Variants in SRGAP2 observed in about 807,000 individuals in gnomAD.
SRGAP2 encodes SLIT-ROBO Rho GTPase-activating protein 2.
In SRGAP2, 15 loss-of-function variants were observed where a neutral mutation model predicts 57.2. The observed-to-expected ratio is 0.26, with a 90% CI of 0.18 to 0.40. SRGAP2 has a LOEUF of 0.40. SRGAP2 is among the 10% of genes least tolerant of loss of function. SRGAP2 has a pLI of 1.00. For missense variants in SRGAP2, 520 were observed against 669.6 expected (o/e 0.78, Z 2.47); for synonymous variants, 249 against 248.0 (o/e 1.00, Z -0.04).
rs782082068 is a variant in SRGAP2, at chr1:206,454,842, TCCCTCCTCCCTGCCTGCCTGC to T, written c.2361-31_2361-11del. ...GCTGCTTTTTGTGTTGTTGTTGTTT[TCCCTCCTCCCTGCCTGCCTGC>T]CCCTTCTCCCCCAGCGAGGACGGTG... is the stretch of plus-strand genomic sequence containing the variant. On this transcript the variant is annotated splice_polypyrimidine_tract_variant and intron_variant, in intron 20 of 22. Transcript: ENST00000573034. This position sits in a 1 kb window ranked among gnomAD's most constrained non-coding sequence, Gnocchi z 4.3. 2.1e-5 allele frequency: 15 copies of T among 721,616 alleles called. No individual in the cohort carries two copies. Among genetic ancestry groups the T allele is most frequent in the Non-Finnish European group, 3.3e-5 (13 of 390,090 alleles). The allele number at this position is 721,616 out of a possible 1,614,324, so 44.7% of individuals were successfully genotyped here.
At chr1:206,240,428 T>C (rs1362119224) in intron 2 of SRGAP2, among the ~76,000 whole-genome samples, 3 of 152,188 alleles carry the variant, frequency 2.0e-5, no homozygotes, top group Non-Finnish European at 4.4e-5. Context: ...CACTATGGAA[T>C]GGTTCTCCAG....
At chr1:206,333,703 T>G (rs1346169207) in intron 3 of SRGAP2, among the ~76,000 whole-genome samples, 1 of 152,130 alleles carries the variant, frequency 6.6e-6, no homozygotes, top group African/African-American at 2.4e-5. Flanking sequence ...CCATTTACTT[T>G]TTAAAACAGG....
At chr1:206,453,105 A>G in intron 19 of SRGAP2, 95 bp from the exon 20 acceptor site, 2 of 453,308 alleles carry the variant, frequency 4.4e-6, no homozygotes, top group South Asian at 1.0e-4. Context: ...GTAATTTCCT[A>G]CCACTGTAAG....
chr1:206,419,082 C>T (rs1660058167), intron 11 of SRGAP2, among the ~76,000 whole-genome samples: 1 of 152,172 alleles, frequency 6.6e-6, no homozygotes, highest in African/African-American at 2.4e-5. Flanking sequence ...CTACCTCCAT[C>T]TCTATGTTCC....
chr1:206,203,756 C>T lies in SRGAP2; in HGVS notation c.-543+106C>T, dbSNP rs575824254. On this transcript the variant is annotated intron_variant, in intron 1 of 22. Transcript: ENST00000573034. ...GGAAGGAGAGGGCGCGGATGCTGCT[C>T]GCGGCATCGCCTTAGCGGTGCCGCC... 34 of 1,463,660 alleles carry T rather than the reference C, an allele frequency of 2.3e-5. No homozygotes were observed. The Admixed American group carries it at 5.2e-4, about 22-fold the overall frequency. The allele number at this position is 1,463,660 out of a possible 1,614,324, so 90.7% of individuals were successfully genotyped here.
chr1:206,239,696 G>A (rs533554013), intron 2 of SRGAP2, among the ~76,000 whole-genome samples: 1 of 150,156 alleles, frequency 6.7e-6, no homozygotes, highest in South Asian at 2.2e-4. Flanking sequence ...AACCTTAGGT[G>A]ATCTGACTGC....
At chr1:206,402,363 A>G (rs1355254293) in intron 8 of SRGAP2, among the ~76,000 whole-genome samples, 4 of 152,070 alleles carry the variant, frequency 2.6e-5, no homozygotes, top group Admixed American at 2.0e-4. Flanking sequence ...AAGGGCCTAA[A>G]AAAGCTAAAG....
intron 7 of SRGAP2, among the ~76,000 whole-genome samples, chr1:206,397,546 A>G (rs542240071): frequency 4.0e-5 from 6 of 148,744 alleles, no homozygotes; most frequent in African/African-American, 1.5e-4. Context: ...ACCAAGGACT[A>G]GCCTCCGACT....
chr1:206,458,174 T>C (rs1663991261), intron 21 of SRGAP2, among the ~76,000 whole-genome samples: 1 of 152,220 alleles, frequency 6.6e-6, no homozygotes, highest in African/African-American at 2.4e-5. Flanking sequence ...TACAGTCTTT[T>C]TGGAAAAAGA....
At chr1:206,299,189 GA>G in intron 2 of SRGAP2, among the ~76,000 whole-genome samples, 1 of 141,536 alleles carries the variant, frequency 7.1e-6, no homozygotes, top group Non-Finnish European at 1.5e-5. Context: ...GCTGCTTCTA[GA>G]AAGTGAGAGC....
At chr1:206,354,504 G>A in intron 4 of SRGAP2, among the ~76,000 whole-genome samples, 1 of 152,212 alleles carries the variant, frequency 6.6e-6, no homozygotes, top group African/African-American at 2.4e-5. Flanking sequence ...CAGCACCTAA[G>A]ACGACCAACT....
At chr1:206,422,526 T>C (rs1477994096) in intron 13 of SRGAP2, among the ~76,000 whole-genome samples, 1 of 152,180 alleles carries the variant, frequency 6.6e-6, no homozygotes, top group East Asian at 1.9e-4. Flanking sequence ...AATTAATAGG[T>C]GCATATCTTG....
At chr1:206,327,946 A>C (rs1674082063) in intron 3 of SRGAP2, among the ~76,000 whole-genome samples, 1 of 95,362 alleles carries the variant, frequency 1.0e-5, no homozygotes. Context: ...TCCCAATGCT[A>C]TCCCTCCCCC....
At chr1:206,410,342 C>T (rs1228094606) in intron 10 of SRGAP2, among the ~76,000 whole-genome samples, 1 of 152,234 alleles carries the variant, frequency 6.6e-6, no homozygotes, top group African/African-American at 2.4e-5. Context: ...TTTTATAACA[C>T]ATAGTTCATC....
chr1:206,216,816 G>T, intron 2 of SRGAP2, among the ~76,000 whole-genome samples: 1 of 91,598 alleles, frequency 1.1e-5, no homozygotes, highest in Non-Finnish European at 2.1e-5. Context: ...TTGTTTGTTT[G>T]TTTGTTTGTT....
chr1:206,260,820 C>T (rs1669506712), intron 2 of SRGAP2, among the ~76,000 whole-genome samples: 1 of 152,162 alleles, frequency 6.6e-6, no homozygotes, highest in African/African-American at 2.4e-5. Flanking sequence ...TAAAGGGTCG[C>T]ACAGCAGTGC....
At chr1:206,354,923 T>A (rs1444595592) in intron 4 of SRGAP2, among the ~76,000 whole-genome samples, 1 of 152,020 alleles carries the variant, frequency 6.6e-6, no homozygotes, top group Non-Finnish European at 1.5e-5. Context: ...TTATAGTAGA[T>A]GTATGTTATA....
chr1:206,421,935 A>T (rs1018721426), intron 13 of SRGAP2, among the ~76,000 whole-genome samples: 120 of 148,488 alleles, frequency 8.1e-4, no homozygotes, highest in Admixed American at 1.3e-3. Context: ...GTGCTTGTTT[A>T]AAAAAAATTA....
At chr1:206,436,918 T>C (rs782638939) in intron 14 of SRGAP2, 47 bp from the exon 15 acceptor site, 1 of 780,208 alleles carries the variant, frequency 1.3e-6, no homozygotes, top group Non-Finnish European at 2.4e-6. Context: ...ACTATGCTTG[T>C]GAATTTGCTT....
Sources: allele counts gnomAD v4.1 joint callset (sites outside exome capture counted in the v4.1 genomes callset), GRCh38; gene constraint gnomAD v4.1.1; non-coding constraint Gnocchi (gnomAD v3.1); transcripts MANE v1.5; gene names NCBI Gene and HGNC (gene_info 2026-07-23, HGNC 2026-07-21).